Variants in PPP6R3 observed in about 807,000 individuals in gnomAD.
PPP6R3 encodes serine/threonine-protein phosphatase 6 regulatory subunit 3.
Under a neutral mutation model 110.7 loss-of-function variants are expected in PPP6R3, and 38 were observed. The observed-to-expected ratio is 0.34, with a 90% CI of 0.26 to 0.45. The LOEUF is 0.45. Among genes scored for constraint, PPP6R3 ranks in the 20% least tolerant of loss-of-function variants. The probability of loss-of-function intolerance (pLI) is 1.00; values close to 1 mark genes in which losing one functional copy is unlikely to be tolerated. For missense variants in PPP6R3, 870 were observed against 1,062.4 expected (o/e 0.82, Z 2.52); for synonymous variants, 369 against 373.5 (o/e 0.99, Z 0.14).
At chr11:68,524,888 G>A (rs2099188158) in intron 2 of PPP6R3, among the ~76,000 whole-genome samples, 1 of 152,198 alleles carries the variant, frequency 6.6e-6, no homozygotes, top group African/African-American at 2.4e-5. Context: ...CAGTTGTCTT[G>A]TCTGGGAAGT....
intron 4 of PPP6R3, among the ~76,000 whole-genome samples, chr11:68,545,659 T>C (rs766672174): frequency 5.9e-5 from 9 of 152,226 alleles, no homozygotes; most frequent in Non-Finnish European, 8.8e-5. Flanking sequence ...GTTAGAAATG[T>C]AAGTTCTTGA....
At chr11:68,519,918 G>C (rs2099155493) in intron 2 of PPP6R3, among the ~76,000 whole-genome samples, 1 of 152,180 alleles carries the variant, frequency 6.6e-6, no homozygotes, top group African/African-American at 2.4e-5. Flanking sequence ...TGACCAGCCA[G>C]GCCTAGTAAG....
intron 3 of PPP6R3, among the ~76,000 whole-genome samples, chr11:68,543,185 A>G (rs1272393954): frequency 6.6e-6 from 1 of 152,226 alleles, no homozygotes; most frequent in Non-Finnish European, 1.5e-5. Flanking sequence ...AGAGAGGTTA[A>G]GTAACTTGTC....
At chr11:68,473,122 G>A (rs1275697811) in intron 1 of PPP6R3, among the ~76,000 whole-genome samples, 2 of 152,192 alleles carry the variant, frequency 1.3e-5, no homozygotes, top group Non-Finnish European at 2.9e-5. Flanking sequence ...CGAATGAGTT[G>A]ACTGATGGCT....
At chr11:68,569,958 G>C (rs771800570) in intron 11 of PPP6R3, 61 bp downstream of exon 11, 2 of 1,477,802 alleles carry the variant, frequency 1.4e-6, no homozygotes, top group Admixed American at 3.9e-5. Flanking sequence ...TTTTCCACTT[G>C]ACTGTGATGT....
intron 1 of PPP6R3, among the ~76,000 whole-genome samples, chr11:68,500,292 T>A (rs1302382772): frequency 6.6e-6 from 1 of 152,114 alleles, no homozygotes; most frequent in Non-Finnish European, 1.5e-5. Flanking sequence ...CTACCTTTTT[T>A]TTTTTGTATA....
At chr11:68,537,935 G>A in intron 3 of PPP6R3, 44 bp downstream of exon 3, 3 of 1,405,516 alleles carry the variant, frequency 2.1e-6, no homozygotes, top group Non-Finnish European at 3.0e-6. Context: ...CTAAAGTGAA[G>A]TGGGGGTAGA....
intron 2 of PPP6R3, among the ~76,000 whole-genome samples, chr11:68,531,737 G>C (rs910001539): frequency 6.6e-6 from 1 of 152,132 alleles, no homozygotes; most frequent in Non-Finnish European, 1.5e-5. Flanking sequence ...GTTGGTGCCT[G>C]TATGTTCTAG....
At chr11:68,529,514 G>A (rs1277487751) in intron 2 of PPP6R3, among the ~76,000 whole-genome samples, 1 of 152,208 alleles carries the variant, frequency 6.6e-6, no homozygotes, top group African/African-American at 2.4e-5. Flanking sequence ...ACCGCGCCCA[G>A]CCGGCATGCA....
chr11:68,522,999 A>G (rs986073450), intron 2 of PPP6R3, among the ~76,000 whole-genome samples: 2 of 152,264 alleles, frequency 1.3e-5, no homozygotes, highest in Middle Eastern at 3.4e-3. Flanking sequence ...CCTTATTTCC[A>G]CATTTCTAAA....
chr11:68,614,030 C>T lies in PPP6R3; in HGVS notation c.*913C>T. On this transcript the variant is annotated 3_prime_UTR_variant, in exon 24 of 24. Coordinates refer to ENST00000393800, the MANE Select transcript of PPP6R3 (RefSeq NM_001164161.2). ...TCACCAATGAACATTTCAGAGCAAT[C>T]TGCATATTTAACAGACCTAAAATAA... The T allele has an allele frequency of 1.0e-6, 1 of 985,326 alleles. No homozygotes were observed. The highest frequency in any genetic ancestry group is 1.1e-4 in the East Asian group (1 of 8,778). 61.0% of individuals were successfully genotyped at this position (985,326 alleles called of 1,614,324 possible).
intron 12 of PPP6R3, among the ~76,000 whole-genome samples, chr11:68,573,112 T>TTTTATA (rs1357069088): frequency 2.6e-5 from 1 of 38,078 alleles, no homozygotes; most frequent in South Asian, 1.0e-3. Flanking sequence ...AGTTTACTTA[T>TTTTATA]TTTATATATA....
chr11:68,480,727 A>G (rs541432645), intron 1 of PPP6R3, among the ~76,000 whole-genome samples: 1 of 152,348 alleles, frequency 6.6e-6, no homozygotes, highest in Non-Finnish European at 1.5e-5. Context: ...AGTACCAGAT[A>G]TGTGTTTTGA....
chr11:68,545,936 G>A (rs576991017), intron 4 of PPP6R3, among the ~76,000 whole-genome samples: 1 of 152,202 alleles, frequency 6.6e-6, no homozygotes, highest in Non-Finnish European at 1.5e-5. Context: ...GATGATACGG[G>A]GCAAAAGTGG....
intron 1 of PPP6R3, among the ~76,000 whole-genome samples, chr11:68,471,547 G>A (rs1165024786): frequency 6.6e-6 from 1 of 152,152 alleles, no homozygotes; most frequent in East Asian, 1.9e-4. Flanking sequence ...CGACGATCTT[G>A]AGAGCTGTTC....
intron 1 of PPP6R3, among the ~76,000 whole-genome samples, chr11:68,492,152 C>T (rs1173182829): frequency 2.0e-5 from 3 of 152,222 alleles, no homozygotes; most frequent in East Asian, 3.9e-4. Context: ...GTCCGAATTT[C>T]CTTTCTTTTT....
chr11:68,600,612 G>A, intron 20 of PPP6R3, 118 bp downstream of exon 20: 1 of 1,179,082 alleles, frequency 8.5e-7, no homozygotes, highest in South Asian at 1.7e-5. Context: ...ATACTGCCCT[G>A]AAAAAGATTA....
In PPP6R3 at chr11:68,571,027, T is replaced by A. The variant is rs2099503048; in HGVS notation, c.1279-13T>A. ...TGAAGTATTAACTGGAATATTCTTT[T>A]TTTTTTTTTCAGCTTTTCCAAAAAT... On this transcript the variant is annotated splice_polypyrimidine_tract_variant and intron_variant, in intron 11 of 23. Coordinates refer to ENST00000393800, the MANE Select transcript of PPP6R3 (RefSeq NM_001164161.2). 1.3e-6 allele frequency: 2 copies of A among 1,590,046 alleles called. No individual in the cohort carries two copies. Among genetic ancestry groups the A allele is most frequent in the South Asian group, 2.3e-5 (2 of 85,822 alleles).
At chr11:68,464,328 C>T (rs1357749860) in intron 1 of PPP6R3, among the ~76,000 whole-genome samples, 1 of 152,112 alleles carries the variant, frequency 6.6e-6, no homozygotes, top group Non-Finnish European at 1.5e-5. Context: ...GATGGAGTTT[C>T]ACATCTTGGC....
Sources: gnomAD v4.1 joint callset for allele counts (sites outside exome capture counted in the v4.1 genomes callset) on GRCh38, gnomAD v4.1.1 for gene constraint, MANE v1.5 for transcripts, NCBI Gene and HGNC (gene_info 2026-07-23, HGNC 2026-07-21) for gene names.